The following RARB variants were observed in gnomAD, a reference collection of about 807,000 sequenced individuals.
RARB encodes the protein HBV-activated protein.
Under a neutral mutation model 51.9 loss-of-function variants are expected in RARB, and 17 were observed. That is an observed-to-expected ratio of 0.33 (90% CI 0.22 to 0.49). The LOEUF (loss-of-function observed/expected upper bound fraction) is 0.49, where lower values mean the gene tolerates loss of function less well. Among genes scored for constraint, RARB ranks in the 20% least tolerant of loss-of-function variants. RARB has a pLI of 0.99. For missense variants in RARB, 369 were observed against 550.8 expected (o/e 0.67, Z 3.30); for synonymous variants, 215 against 195.4 (o/e 1.10, Z -0.84).
chr3:25,015,226 T>C (rs1231789940), intron 2 of RARB, among the ~76,000 whole-genome samples: 1 of 152,138 alleles, frequency 6.6e-6, no homozygotes, highest in African/African-American at 2.4e-5. Context: ...AACCATATTA[T>C]ATAAGATCAA....
chr3:24,902,995 G>A (rs189645985), intron 2 of RARB, among the ~76,000 whole-genome samples: 217 of 152,140 alleles, frequency 1.4e-3, no homozygotes, highest in Non-Finnish European at 2.4e-3. Flanking sequence ...GAAACAAGAC[G>A]CCTCTAAGCT....
chr3:25,410,161 A>G (rs956522786), intron 5 of RARB, among the ~76,000 whole-genome samples: 5 of 152,208 alleles, frequency 3.3e-5, no homozygotes, highest in East Asian at 1.9e-4. Context: ...AGGACAACAG[A>G]GTGTGGGTTA....
At chr3:25,459,956 C>G (rs998490498) in intron 1 of RARB, among the ~76,000 whole-genome samples, 6 of 152,166 alleles carry the variant, frequency 3.9e-5, no homozygotes, top group Non-Finnish European at 5.9e-5. Context: ...ATTCTGAGTA[C>G]AATCCTGGAG....
chr3:25,596,255 G>A lies in RARB; in HGVS notation c.1151-165G>A, dbSNP rs1197472183. 3.9e-5 allele frequency among the ~76,000 whole-genome samples: 6 copies of A among 152,052 alleles called. No homozygotes were observed. In the East Asian group the frequency reaches 5.8e-4, roughly 15 times the overall value. On this transcript the variant is annotated intron_variant, in intron 7 of 7. Transcript: ENST00000330688. ...TGTATTTATGAGTGTGATAGTAATC[G>A]ATAGATCTTTTTCAACAAAAAGCCA...
chr3:25,184,254 G>A (rs1048917927), intron 5 of RARB, among the ~76,000 whole-genome samples: 1 of 151,918 alleles, frequency 6.6e-6, no homozygotes, highest in African/African-American at 2.4e-5. Flanking sequence ...TTTGCCAAAT[G>A]CCCATAAGCT....
intron 3 of RARB, among the ~76,000 whole-genome samples, chr3:25,508,342 A>T (rs1697714050): frequency 6.6e-6 from 1 of 152,156 alleles, no homozygotes; most frequent in Non-Finnish European, 1.5e-5. Flanking sequence ...ACACTTAGAT[A>T]CTTCTGTGGG....
At chr3:25,446,530 G>A (rs1354202423) in intron 1 of RARB, among the ~76,000 whole-genome samples, 5 of 152,130 alleles carry the variant, frequency 3.3e-5, no homozygotes, top group East Asian at 3.9e-4. Flanking sequence ...TGGGCCGGGC[G>A]CAGTGGCTCA....
chr3:25,197,870 C>T (rs1255611147), intron 5 of RARB, among the ~76,000 whole-genome samples: 1 of 151,906 alleles, frequency 6.6e-6, no homozygotes, highest in African/African-American at 2.4e-5. Flanking sequence ...AAGCAATCTG[C>T]AGATTCAGAG....
At chr3:25,382,141 G>A (rs1706646723) in intron 5 of RARB, among the ~76,000 whole-genome samples, 1 of 152,144 alleles carries the variant, frequency 6.6e-6, no homozygotes, top group Admixed American at 6.5e-5. Context: ...GAGTCCAAAA[G>A]CATATAATAG....
chr3:25,073,353 T>G (rs770896828), intron 3 of RARB, among the ~76,000 whole-genome samples: 4 of 152,220 alleles, frequency 2.6e-5, no homozygotes, highest in Admixed American at 6.5e-5. Flanking sequence ...AAAACACAAA[T>G]TCAATGCAGG....
chr3:25,168,083 C>G (rs556296909), intron 4 of RARB, among the ~76,000 whole-genome samples: 9 of 152,146 alleles, frequency 5.9e-5, no homozygotes, highest in South Asian at 4.1e-4. Context: ...AATGGACAGA[C>G]TAGAGAATTT....
At chr3:25,260,031 C>T (rs968417396) in intron 5 of RARB, 4 of 976,964 alleles carry the variant, frequency 4.1e-6, no homozygotes, top group Non-Finnish European at 4.9e-6. Flanking sequence ...CCCCTTTCTC[C>T]TTCCCCCATG....
intron 3 of RARB, among the ~76,000 whole-genome samples, chr3:25,112,260 C>A (rs939100128): frequency 5.3e-5 from 8 of 152,098 alleles, no homozygotes; most frequent in African/African-American, 1.9e-4. Context: ...GTGAAAGACT[C>A]CACCAAATAT....
At chr3:25,232,038 G>A (rs1029245725) in intron 5 of RARB, among the ~76,000 whole-genome samples, 1 of 151,838 alleles carries the variant, frequency 6.6e-6, no homozygotes, top group Non-Finnish European at 1.5e-5. Context: ...AGATCTATGA[G>A]GTATTGTTTG....
At chr3:24,914,796 C>G (rs180986676) in intron 2 of RARB, among the ~76,000 whole-genome samples, 1 of 152,096 alleles carries the variant, frequency 6.6e-6, no homozygotes, top group South Asian at 2.1e-4. Context: ...ATGTGGAACT[C>G]GAGATACAGA....
chr3:25,458,745 G>T (rs1408781865), intron 1 of RARB, among the ~76,000 whole-genome samples: 1 of 152,136 alleles, frequency 6.6e-6, no homozygotes, highest in Non-Finnish European at 1.5e-5. Context: ...CTACTCAAAT[G>T]AATTCATTCC....
chr3:25,361,312 A>G (rs944425647), intron 5 of RARB, among the ~76,000 whole-genome samples: 1 of 151,012 alleles, frequency 6.6e-6, no homozygotes, highest in East Asian at 1.9e-4. Flanking sequence ...TTCTTGTGCT[A>G]TGTTTTTCAG....
chr3:25,454,356 T>G (rs1471174639), intron 1 of RARB, among the ~76,000 whole-genome samples: 1 of 152,192 alleles, frequency 6.6e-6, no homozygotes, highest in Non-Finnish European at 1.5e-5. Context: ...CCAACACAAA[T>G]GAAGTCCAAA....
At chr3:24,926,268 G>T (rs576905302) in intron 2 of RARB, among the ~76,000 whole-genome samples, 136 of 152,118 alleles carry the variant, frequency 8.9e-4, no homozygotes, top group Non-Finnish European at 1.8e-3. Flanking sequence ...GAGATAAATT[G>T]CGGTGGAGAG....
Sources: allele counts gnomAD v4.1 joint callset (sites outside exome capture counted in the v4.1 genomes callset), GRCh38; gene constraint gnomAD v4.1.1; transcripts MANE v1.5; gene names NCBI Gene and HGNC (gene_info 2026-07-23, HGNC 2026-07-21).